The following STAC variants were observed in gnomAD, a reference collection of about 807,000 sequenced individuals.
The protein encoded by STAC is SH3 and cysteine rich domain.
STAC carries 43 observed loss-of-function variants against 48.8 expected under a neutral mutation model. The ratio of observed to expected loss-of-function variants is 0.88; its 90% CI spans 0.69 to 1.14. The LOEUF is 1.14. STAC is among the 50% of genes most tolerant of loss of function. The pLI, the probability that STAC is intolerant of heterozygous loss-of-function variation, is 0.00. For missense variants in STAC, 497 were observed against 504.0 expected (o/e 0.99, Z 0.13); for synonymous variants, 193 against 179.5 (o/e 1.07, Z -0.60).
intron 1 of STAC, among the ~76,000 whole-genome samples, chr3:36,404,923 T>G (rs925432287): frequency 5.9e-5 from 9 of 152,190 alleles, no homozygotes; most frequent in Non-Finnish European, 8.8e-5. Context: ...TTATTATAAA[T>G]GCATCTATTA....
At chr3:36,523,528 G>A (rs1380891483) in intron 8 of STAC, among the ~76,000 whole-genome samples, 2 of 152,180 alleles carry the variant, frequency 1.3e-5, no homozygotes. Context: ...TTGGTCCCAA[G>A]AATTTGGAAA....
intron 2 of STAC, among the ~76,000 whole-genome samples, chr3:36,471,874 A>C (rs542274151): frequency 6.6e-6 from 1 of 152,130 alleles, no homozygotes; most frequent in Non-Finnish European, 1.5e-5. Context: ...ACACGGTGCA[A>C]GCTGTCAGTG....
chr3:36,508,848 G>T (rs528136973), intron 8 of STAC, among the ~76,000 whole-genome samples: 3 of 152,210 alleles, frequency 2.0e-5, no homozygotes, highest in East Asian at 1.9e-4. Context: ...AAAGCACACC[G>T]ATGGGTCTTG....
chr3:36,448,014 C>G (rs1359233989), intron 2 of STAC, among the ~76,000 whole-genome samples: 1 of 152,142 alleles, frequency 6.6e-6, no homozygotes, highest in African/African-American at 2.4e-5. Context: ...TTATTAATCT[C>G]TGGTGTCCAG....
chr3:36,443,336 G>T lies in STAC; in HGVS notation c.112-28G>T. On this transcript the variant is annotated intron_variant, in intron 1 of 10. Coordinates refer to ENST00000273183, the MANE Select transcript of STAC (RefSeq NM_003149.3). The surrounding 1 kb of genome is among the most constrained non-coding windows in gnomAD (Gnocchi z 4.2). ...GGTCTGCTTGATCCATTGATCGTAA[G>T]AGAGACTGTTCTGTCATTGCATTGC... The T allele has an allele frequency of 6.2e-7, 1 of 1,613,288 alleles. No individual in the cohort carries two copies. The highest frequency in any genetic ancestry group is 1.1e-5 in the South Asian group (1 of 90,856).
chr3:36,384,767 G>A lies in STAC; in HGVS notation c.111+4013G>A, dbSNP rs1465736593. 5.3e-5 allele frequency among the ~76,000 whole-genome samples: 8 copies of A among 152,166 alleles called. No homozygotes were observed. In the East Asian group the frequency reaches 1.2e-3, roughly 22 times the overall value. On this transcript the variant is annotated intron_variant, in intron 1 of 10. Coordinates refer to ENST00000273183, the MANE Select transcript of STAC (RefSeq NM_003149.3). ...CCACCCAGTGCCCTAGTGGAGCCAC[G>A]GACCAAAGTGACCCTCATTCCTGGA...
At chr3:36,461,320 T>C (rs1440640254) in intron 2 of STAC, among the ~76,000 whole-genome samples, 1 of 152,212 alleles carries the variant, frequency 6.6e-6, no homozygotes, top group Non-Finnish European at 1.5e-5. Flanking sequence ...CAGACACCTT[T>C]GCATTTTTTC....
intron 1 of STAC, among the ~76,000 whole-genome samples, chr3:36,413,793 G>A (rs1190703143): frequency 1.3e-5 from 2 of 152,188 alleles, no homozygotes; most frequent in Non-Finnish European, 2.9e-5. Context: ...AATTTGGCAT[G>A]CTTTTGCAGT....
At chr3:36,524,640 C>T (rs1014176201) in intron 8 of STAC, among the ~76,000 whole-genome samples, 1 of 151,900 alleles carries the variant, frequency 6.6e-6, no homozygotes, top group Admixed American at 6.6e-5. Context: ...AAATAATAAG[C>T]TATGTTACAC....
intron 2 of STAC, among the ~76,000 whole-genome samples, chr3:36,460,742 T>C (rs1460176667): frequency 6.6e-6 from 1 of 152,182 alleles, no homozygotes; most frequent in African/African-American, 2.4e-5. Context: ...TTGAAGTTTA[T>C]AAAGCATTGA....
At chr3:36,427,031 C>A (rs1700581660) in intron 1 of STAC, among the ~76,000 whole-genome samples, 1 of 152,210 alleles carries the variant, frequency 6.6e-6, no homozygotes. Context: ...TCCACAAACA[C>A]CCCAGCTAAG....
At chr3:36,455,005 T>A (rs1286036821) in intron 2 of STAC, among the ~76,000 whole-genome samples, 1 of 152,294 alleles carries the variant, frequency 6.6e-6, no homozygotes, top group African/African-American at 2.4e-5. Flanking sequence ...CCTTTTCAGA[T>A]CATACCTTAG....
In STAC at chr3:36,485,633, C is replaced by T. The variant is rs144297707; in HGVS notation, c.572-501C>T. The T allele has an allele frequency of 2.3e-3, 355 of 152,690 alleles. 2 individuals carry two copies. The highest frequency in any genetic ancestry group is 7.9e-3 in the African/African-American group (327 of 41,526). The allele number at this position is 152,690 out of a possible 1,614,324, so 9.5% of individuals were successfully genotyped here. A position where few individuals can be genotyped will look rare whatever the true frequency, so the allele number is the denominator to read the frequency against. ...TTTACTTCTATTATTTTTTTTCTCTCTCTGAAAATCTCGACATCTATTTTT... is the reference window on the plus strand; with the variant it reads ...TTTACTTCTATTATTTTTTTTCTCTTTCTGAAAATCTCGACATCTATTTTT... On this transcript the variant is annotated intron_variant, in intron 4 of 10. Transcript: ENST00000273183.
At chr3:36,460,590 G>A (rs949711402) in intron 2 of STAC, among the ~76,000 whole-genome samples, 12 of 152,164 alleles carry the variant, frequency 7.9e-5, no homozygotes, top group African/African-American at 2.7e-4. Context: ...GCCGGCATTA[G>A]TGGGTAGAGG....
chr3:36,516,306 G>A (rs1181260089), intron 8 of STAC, among the ~76,000 whole-genome samples: 5 of 151,864 alleles, frequency 3.3e-5, no homozygotes, highest in Non-Finnish European at 5.9e-5. Context: ...TTGACATAGT[G>A]AGCTTAGAGT....
intron 8 of STAC, 50 bp from the exon 9 acceptor site, chr3:36,528,643 ATGT>A (rs1417821546): frequency 7.1e-7 from 1 of 1,408,092 alleles, no homozygotes; most frequent in African/African-American, 1.5e-5. Context: ...ACTTTAAAGT[ATGT>A]TATTTTTCTT....
intron 1 of STAC, among the ~76,000 whole-genome samples, chr3:36,440,010 A>G (rs1696294633): frequency 6.6e-6 from 1 of 152,246 alleles, no homozygotes; most frequent in East Asian, 1.9e-4. Flanking sequence ...GGAAAGGGAC[A>G]AAAGTCTTAG....
chr3:36,470,821 C>T (rs746089281), intron 2 of STAC, among the ~76,000 whole-genome samples: 4 of 152,272 alleles, frequency 2.6e-5, no homozygotes, highest in Non-Finnish European at 4.4e-5. Flanking sequence ...CCAATGATTT[C>T]TCCCAAGAGG....
At chr3:36,468,419 T>C (rs2125689347) in intron 2 of STAC, among the ~76,000 whole-genome samples, 1 of 152,068 alleles carries the variant, frequency 6.6e-6, no homozygotes, top group Admixed American at 6.6e-5. Context: ...GGCCATTTGT[T>C]GTAGGATATA....
Sources: gnomAD v4.1 joint callset for allele counts (sites outside exome capture counted in the v4.1 genomes callset) on GRCh38, gnomAD v4.1.1 for gene constraint, Gnocchi (gnomAD v3.1) non-coding constraint, MANE v1.5 for transcripts, NCBI Gene and HGNC (gene_info 2026-07-23, HGNC 2026-07-21) for gene names.